Variants in ITGA9 observed in about 807,000 individuals in gnomAD.
ITGA9 encodes the protein integrin alpha-9.
A neutral mutation model predicts 127.8 loss-of-function variants in ITGA9; 56 were observed. The observed-to-expected ratio is 0.44, with a 90% CI of 0.35 to 0.55. The LOEUF (loss-of-function observed/expected upper bound fraction) is 0.55, where lower values mean the gene tolerates loss of function less well. ITGA9 is among the 20% of genes least tolerant of loss of function. The pLI, the probability that ITGA9 is intolerant of heterozygous loss-of-function variation, is 0.00. For synonymous variants in ITGA9, 508 were observed against 514.5 expected (o/e 0.99, Z 0.17); for missense variants, 1,196 against 1,347.1 (o/e 0.89, Z 1.76).
chr3:37,789,768 CAAAAAAAAAAAAAAAAA>C (rs71635850), intron 26 of ITGA9, among the ~76,000 whole-genome samples: 2 of 35,686 alleles, frequency 5.6e-5, no homozygotes. Flanking sequence ...GACTCCGTCT[CAAAAAAAAAAAAAAAAA>C]AAAAAAAAAG....
In ITGA9 at chr3:37,597,897, G is replaced by A. The variant is rs1267840167; in HGVS notation, c.1690-31290G>A. Among the ~76,000 whole-genome samples, 1 of 152,208 alleles carries A rather than the reference G, an allele frequency of 6.6e-6. No individual in the cohort carries two copies. Among genetic ancestry groups the A allele is most frequent in the Non-Finnish European group, 1.5e-5 (1 of 68,030 alleles). Reference sequence around the variant, plus strand: ...CTGGGGCAACTCAGCACCGCTCCATGCATATCTCACTGTCCAACAGGCCAG... The same window carrying A: ...CTGGGGCAACTCAGCACCGCTCCATACATATCTCACTGTCCAACAGGCCAG... On this transcript the variant is annotated intron_variant, in intron 15 of 27. Coordinates refer to ENST00000264741, the MANE Select transcript of ITGA9 (RefSeq NM_002207.3). The surrounding 1 kb of genome is among the most constrained non-coding windows in gnomAD (Gnocchi z 4.6).
At chr3:37,539,711 C>T (rs1331236130) in intron 14 of ITGA9, among the ~76,000 whole-genome samples, 1 of 152,168 alleles carries the variant, frequency 6.6e-6, no homozygotes, top group East Asian at 1.9e-4. Context: ...TGGTGCTTGA[C>T]CAGATTCTGG....
intron 15 of ITGA9, among the ~76,000 whole-genome samples, chr3:37,577,301 T>G (rs901557242): frequency 6.6e-6 from 1 of 152,260 alleles, no homozygotes; most frequent in African/African-American, 2.4e-5. Context: ...GTTAATTGTT[T>G]GAGTTTTCTT....
intron 18 of ITGA9, among the ~76,000 whole-genome samples, chr3:37,685,386 C>T (rs963927433): frequency 5.3e-5 from 8 of 152,192 alleles, no homozygotes; most frequent in African/African-American, 1.9e-4. Context: ...CAAAAGCAAT[C>T]AAGGACTGCA....
At chr3:37,569,751 A>T (rs946443282) in intron 15 of ITGA9, among the ~76,000 whole-genome samples, 3 of 152,218 alleles carry the variant, frequency 2.0e-5, no homozygotes, top group African/African-American at 7.2e-5. Context: ...CTTTTATTTC[A>T]TGCCCCAAAT....
chr3:37,668,550 T>C (rs1358827210), intron 17 of ITGA9, among the ~76,000 whole-genome samples: 1 of 152,176 alleles, frequency 6.6e-6, no homozygotes, highest in Non-Finnish European at 1.5e-5. Flanking sequence ...TGCTAAGATT[T>C]TTGCAGTTTA....
intron 20 of ITGA9, among the ~76,000 whole-genome samples, chr3:37,739,724 G>T (rs1052888185): frequency 1.3e-5 from 2 of 152,240 alleles, no homozygotes; most frequent in Non-Finnish European, 2.9e-5. Flanking sequence ...CTTCAACTTA[G>T]CTCATTCTGG....
chr3:37,758,338 A>C (rs1267542159), intron 23 of ITGA9, among the ~76,000 whole-genome samples: 2 of 148,410 alleles, frequency 1.3e-5, no homozygotes, highest in Admixed American at 1.3e-4. Context: ...TCAAAAAAAA[A>C]AAAAAAAAAA....
intron 12 of ITGA9, 74 bp downstream of exon 12, chr3:37,523,685 G>C: frequency 1.9e-6 from 2 of 1,071,676 alleles, no homozygotes; most frequent in Non-Finnish European, 2.9e-6. Flanking sequence ...TTTCAGTCTG[G>C]TTAGCAATCA....
chr3:37,660,985 G>A (rs1453383292), intron 17 of ITGA9, among the ~76,000 whole-genome samples: 2 of 152,196 alleles, frequency 1.3e-5, no homozygotes, highest in Non-Finnish European at 2.9e-5. Flanking sequence ...CAGAACTGGT[G>A]CACTTTTCCT....
chr3:37,586,265 A>G (rs1699758387), intron 15 of ITGA9, among the ~76,000 whole-genome samples: 1 of 152,232 alleles, frequency 6.6e-6, no homozygotes, highest in African/African-American at 2.4e-5. Flanking sequence ...CCCCAAGCAA[A>G]CAGCCTTTAG....
At chr3:37,582,998 T>C (rs937823460) in intron 15 of ITGA9, among the ~76,000 whole-genome samples, 1 of 152,200 alleles carries the variant, frequency 6.6e-6, no homozygotes, top group East Asian at 1.9e-4. Context: ...CGTGAAGTTA[T>C]TTCCCTCCAT....
At chr3:37,730,687 T>C (rs1436342263) in intron 18 of ITGA9, among the ~76,000 whole-genome samples, 2 of 152,200 alleles carry the variant, frequency 1.3e-5, no homozygotes, top group African/African-American at 2.4e-5. Context: ...AGCTACCCAG[T>C]GCATGCTCAG....
intron 9 of ITGA9, among the ~76,000 whole-genome samples, chr3:37,515,196 A>C (rs747017319): frequency 6.6e-6 from 1 of 152,246 alleles, no homozygotes; most frequent in Non-Finnish European, 1.5e-5. Flanking sequence ...CAGTCCTCAG[A>C]AATATGCCAA....
rs1407142329 is a variant in ITGA9, at chr3:37,823,158, A to ATATAGCACATTG, written c.*4170_*4171insATAGCACATTGT. On this transcript the variant is annotated 3_prime_UTR_variant, in exon 28 of 28. Transcript: ENST00000264741. ...TGAACAAATTTCCCAACATCGTGCA[A>ATATAGCACATTG]TGCTTTATAGCACAATGATCTAGAT... The ATATAGCACATTG allele has an allele frequency of 3.9e-5, 6 of 152,374 alleles. No individual in the cohort carries two copies. The highest frequency in any genetic ancestry group is 9.6e-5 in the African/African-American group (4 of 41,590). 9.4% of individuals were successfully genotyped at this position (152,374 alleles called of 1,614,324 possible).
At position 37,503,251 on chromosome 3, in the gene ITGA9, A is replaced by G. The variant is rs1053181052; in HGVS notation, c.686A>G (p.Asn229Ser). 8.1e-6 allele frequency: 13 copies of G among 1,613,998 alleles called. No individual in the cohort carries two copies. In the African/African-American group the frequency reaches 1.7e-4, roughly 22 times the overall value. ...ATCAAAGTGCTGAACCTTACGGACAACACCTATTTAAAACTGAACGACGAA... is the reference window on the plus strand; with the variant it reads ...ATCAAAGTGCTGAACCTTACGGACAGCACCTATTTAAAACTGAACGACGAA... ...GTIKVLNLTDNTYLKLNDEVI... is the reference protein window; with the variant it reads ...GTIKVLNLTDSTYLKLNDEVI... The change falls in exon 6 of 28, where the codon AAC (asparagine) becomes AGC (serine). Residue 229 changes from asparagine (N) to serine (S), a missense_variant. Asn to Ser is a conservative substitution (Grantham distance 46, BLOSUM62 1). Coordinates refer to ENST00000264741, the MANE Select transcript of ITGA9 (RefSeq NM_002207.3).
At chr3:37,678,458 G>A (rs1208395765) in intron 17 of ITGA9, among the ~76,000 whole-genome samples, 1 of 152,174 alleles carries the variant, frequency 6.6e-6, no homozygotes, top group Non-Finnish European at 1.5e-5. Flanking sequence ...TGGACGGATG[G>A]ACAGACTTGG....
chr3:37,488,145 C>T (rs11716363), intron 4 of ITGA9, among the ~76,000 whole-genome samples: 27,560 of 152,036 alleles, frequency 0.18, 2,562 homozygotes, highest in Middle Eastern at 0.22. Flanking sequence ...CAGAGGTTTC[C>T]GTGTTGCCCA....
intron 17 of ITGA9, 66 bp from the exon 18 acceptor site, chr3:37,683,799 C>A (rs1374410716): frequency 1.3e-6 from 2 of 1,545,096 alleles, no homozygotes; most frequent in Non-Finnish European, 1.8e-6. Context: ...TTCAACTACC[C>A]CCTGTGCCTC....
Sources: allele counts gnomAD v4.1 joint callset (sites outside exome capture counted in the v4.1 genomes callset), GRCh38; gene constraint gnomAD v4.1.1; non-coding constraint Gnocchi (gnomAD v3.1); transcripts MANE v1.5; gene names NCBI Gene and HGNC (gene_info 2026-07-23, HGNC 2026-07-21).